Variants in ZNF98 observed in about 807,000 individuals in gnomAD.
ZNF98 encodes zinc finger protein 98.
A neutral mutation model predicts 12.8 loss-of-function variants in ZNF98; 8 were observed. That is an observed-to-expected ratio of 0.63 (90% CI 0.37 to 1.13). The LOEUF (loss-of-function observed/expected upper bound fraction) is 1.13. ZNF98 is among the 50% of genes most tolerant of loss of function. ZNF98 has a pLI of 0.01. For synonymous variants in ZNF98, 112 were observed against 223.5 expected (o/e 0.50, Z 4.45); for missense variants, 379 against 666.1 (o/e 0.57, Z 4.74).
At chr19:22,399,520 A>G (rs1022513600) in intron 3 of ZNF98, among the ~76,000 whole-genome samples, 8 of 152,184 alleles carry the variant, frequency 5.3e-5, no homozygotes, top group Non-Finnish European at 8.8e-5. Context: ...TAAAACAAAT[A>G]TTTGGGAACA....
intron 1 of ZNF98, among the ~76,000 whole-genome samples, chr19:22,421,855 T>C (rs1374726354): frequency 3.9e-5 from 6 of 152,086 alleles, no homozygotes; most frequent in Non-Finnish European, 8.8e-5. Flanking sequence ...TCATGAACCC[T>C]CACCCCCAGC....
chr19:22,416,139 G>A (rs989182656), intron 1 of ZNF98, among the ~76,000 whole-genome samples: 3 of 149,832 alleles, frequency 2.0e-5, no homozygotes, highest in Non-Finnish European at 3.0e-5. Flanking sequence ...GCAAGACTCC[G>A]TCTCAAAAAA....
chr19:22,417,792 C>T (rs1307293041), intron 1 of ZNF98, among the ~76,000 whole-genome samples: 1 of 151,982 alleles, frequency 6.6e-6, no homozygotes, highest in Non-Finnish European at 1.5e-5. Flanking sequence ...TGGGAGAGGT[C>T]TGGACACATT....
intron 3 of ZNF98, chr19:22,402,329 A>G: frequency 2.6e-6 from 1 of 388,226 alleles, no homozygotes; most frequent in Non-Finnish European, 4.5e-6. Flanking sequence ...TCAAGACTAT[A>G]ATAAGACAGA....
chr19:22,406,480 G>C (rs1599387499), intron 1 of ZNF98, among the ~76,000 whole-genome samples: 1 of 152,156 alleles, frequency 6.6e-6, no homozygotes, highest in South Asian at 2.1e-4. Context: ...CAGCCTCAAA[G>C]ATCAAAACTA....
Position 22,422,303 on chromosome 19 carries a change from C to A in ZNF98, c.-79G>T, listed in dbSNP as rs570847081. 18 of 1,559,122 alleles carry A rather than the reference C, an allele frequency of 1.2e-5. No homozygotes were observed. The South Asian group carries it at 2.0e-4, about 17-fold the overall frequency. On this transcript the variant is annotated 5_prime_UTR_variant, in exon 1 of 4. Coordinates refer to ENST00000357774, the MANE Select transcript of ZNF98 (RefSeq NM_001098626.2). ...TCTACGAGCAGAGGACACAGAAGGGCGAAGACGAGACCAGGAACTCCGGCT... is the reference window on the plus strand; with the variant it reads ...TCTACGAGCAGAGGACACAGAAGGGAGAAGACGAGACCAGGAACTCCGGCT...
At chr19:22,394,105 T>C (rs983033625) in intron 3 of ZNF98, among the ~76,000 whole-genome samples, 1 of 146,872 alleles carries the variant, frequency 6.8e-6, no homozygotes, top group Non-Finnish European at 1.5e-5. Context: ...TCACTGGCCA[T>C]CCGAGAAATG....
chr19:22,400,481 TA>T (rs1205566043), intron 3 of ZNF98, among the ~76,000 whole-genome samples: 2 of 151,292 alleles, frequency 1.3e-5, no homozygotes, highest in Non-Finnish European at 2.9e-5. Context: ...TGTCCAAAAA[TA>T]AAATGGGAAT....
rs1427260734 is a variant in ZNF98, at chr19:22,419,998, A to G, written c.30+2197T>C. The stretch of plus-strand genomic sequence containing the variant: ...TGGTGAAACCCTGTCTCCACTAAAA[A>G]TACCAAAAAAAAAAATTAGCTGGGT... On this transcript the variant is annotated intron_variant, in intron 1 of 3. Coordinates refer to ENST00000357774, the MANE Select transcript of ZNF98 (RefSeq NM_001098626.2). Among the ~76,000 whole-genome samples, 3 of 151,962 alleles carry G rather than the reference A, an allele frequency of 2.0e-5. No individual in the cohort carries two copies. The South Asian group carries it at 6.2e-4, about 31-fold the overall frequency.
intron 3 of ZNF98, among the ~76,000 whole-genome samples, chr19:22,397,429 C>T (rs549218657): frequency 5.5e-4 from 83 of 152,098 alleles, no homozygotes; most frequent in Non-Finnish European, 9.4e-4. Flanking sequence ...GTATAGAAAA[C>T]ACCCCTCAAC....
chr19:22,411,408 C>A (rs1969578934), intron 1 of ZNF98, among the ~76,000 whole-genome samples: 1 of 152,214 alleles, frequency 6.6e-6, no homozygotes, highest in East Asian at 1.9e-4. Flanking sequence ...GTCAAAGGAA[C>A]TTACTCTGTA....
chr19:22,400,890 T>C (rs1412366493), intron 3 of ZNF98, among the ~76,000 whole-genome samples: 3 of 143,026 alleles, frequency 2.1e-5, no homozygotes, highest in Non-Finnish European at 4.6e-5. Context: ...GAGGTGGAGG[T>C]TGCAGTGAGC....
intron 1 of ZNF98, among the ~76,000 whole-genome samples, chr19:22,414,483 T>A (rs1969618452): frequency 6.6e-6 from 1 of 152,044 alleles, no homozygotes. Context: ...TTACCTGAAT[T>A]CAAACTATAC....
At chr19:22,398,992 G>C (rs924206815) in intron 3 of ZNF98, among the ~76,000 whole-genome samples, 14 of 152,046 alleles carry the variant, frequency 9.2e-5, no homozygotes, top group African/African-American at 1.2e-4. Flanking sequence ...ATAGAGATAA[G>C]GCTGATTTAT....
chr19:22,406,452 A>C (rs1390011187), intron 1 of ZNF98, among the ~76,000 whole-genome samples: 2 of 152,044 alleles, frequency 1.3e-5, no homozygotes, highest in Non-Finnish European at 2.9e-5. Context: ...CCCCACACTA[A>C]CCTCATCCAA....
chr19:22,406,633 C>T (rs7247112), intron 1 of ZNF98, among the ~76,000 whole-genome samples: 51,790 of 151,604 alleles, frequency 0.34, 10,486 homozygotes, highest in Middle Eastern at 0.56. Flanking sequence ...CTGGCTAACA[C>T]GGTGAAACCC....
chr19:22,419,844 C>T (rs577546966), intron 1 of ZNF98, among the ~76,000 whole-genome samples: 15 of 151,990 alleles, frequency 9.9e-5, no homozygotes, highest in Admixed American at 7.9e-4. Flanking sequence ...ACAAATTTAC[C>T]CTGCAATAAA....
chr19:22,413,416 A>C (rs1299951326), intron 1 of ZNF98, among the ~76,000 whole-genome samples: 1 of 152,204 alleles, frequency 6.6e-6, no homozygotes, highest in Non-Finnish European at 1.5e-5. Flanking sequence ...ATGTACAAAA[A>C]TTAGTAGCAT....
At chr19:22,420,251 C>T (rs964629144) in intron 1 of ZNF98, among the ~76,000 whole-genome samples, 1 of 152,198 alleles carries the variant, frequency 6.6e-6, no homozygotes, top group African/African-American at 2.4e-5. Context: ...CCACTCCAAC[C>T]TGCTCACTTA....
Sources: gnomAD v4.1 joint callset for allele counts (sites outside exome capture counted in the v4.1 genomes callset) on GRCh38, gnomAD v4.1.1 for gene constraint, MANE v1.5 for transcripts, NCBI Gene and HGNC (gene_info 2026-07-23, HGNC 2026-07-21) for gene names.